Variants in CTNNA3 observed in about 807,000 individuals in gnomAD.
CTNNA3 encodes catenin alpha 3, also known as catenin alpha-3.
In CTNNA3, 76 loss-of-function variants were observed where a neutral mutation model predicts 95.7. The ratio of observed to expected loss-of-function variants is 0.79; its 90% CI spans 0.66 to 0.96. The LOEUF (loss-of-function observed/expected upper bound fraction) is 0.96, where lower values mean the gene tolerates loss of function less well. Ranked by LOEUF, CTNNA3 falls within the 40% of genes least tolerant of loss-of-function variation. The pLI, the probability that CTNNA3 is intolerant of heterozygous loss-of-function variation, is 0.00. For synonymous variants in CTNNA3, 431 were observed against 374.4 expected (o/e 1.15, Z -1.74); for missense variants, 1,191 against 1,089.8 (o/e 1.09, Z -1.31).
chr10:66,158,522 C>A (rs1304618866), intron 13 of CTNNA3, among the ~76,000 whole-genome samples: 1 of 152,020 alleles, frequency 6.6e-6, no homozygotes, highest in Non-Finnish European at 1.5e-5. Flanking sequence ...TATTTTTGTA[C>A]TAGTACCATG....
At chr10:67,089,715 A>ATGTG (rs775306401) in intron 7 of CTNNA3, among the ~76,000 whole-genome samples, 7 of 93,264 alleles carry the variant, frequency 7.5e-5, no homozygotes, top group Non-Finnish European at 1.4e-4. Context: ...GTGTATATAC[A>ATGTG]TATGTGTGTG....
chr10:66,007,288 G>A (rs1002457701), intron 15 of CTNNA3, among the ~76,000 whole-genome samples: 4 of 152,192 alleles, frequency 2.6e-5, no homozygotes, highest in Admixed American at 1.3e-4. Flanking sequence ...TAGTTCAGAC[G>A]TATACATTAT....
chr10:66,159,537 A>G (rs2084731221), intron 13 of CTNNA3, among the ~76,000 whole-genome samples: 2 of 150,552 alleles, frequency 1.3e-5, no homozygotes, highest in Non-Finnish European at 1.5e-5. Flanking sequence ...TCTTTTTGAT[A>G]TGTTGTTGGG....
intron 5 of CTNNA3, among the ~76,000 whole-genome samples, chr10:67,226,207 C>T (rs1205934184): frequency 6.6e-6 from 1 of 152,080 alleles, no homozygotes; most frequent in Non-Finnish European, 1.5e-5. Context: ...AACAAAGCCT[C>T]CAAGAAGTCT....
intron 11 of CTNNA3, among the ~76,000 whole-genome samples, chr10:66,385,997 G>A (rs1253190701): frequency 1.3e-5 from 2 of 152,094 alleles, no homozygotes; most frequent in Admixed American, 6.5e-5. Flanking sequence ...CATACTGAAT[G>A]GGCAAAAACT....
At chr10:67,082,617 G>A (rs950387276) in intron 7 of CTNNA3, among the ~76,000 whole-genome samples, 2 of 152,080 alleles carry the variant, frequency 1.3e-5, no homozygotes, top group African/African-American at 4.8e-5. Flanking sequence ...TAACTCAGCT[G>A]GCCCGCAGGA....
intron 1 of CTNNA3, among the ~76,000 whole-genome samples, chr10:67,730,548 G>C (rs1841268598): frequency 6.6e-6 from 1 of 152,140 alleles, no homozygotes. Flanking sequence ...ATCCAAGAAA[G>C]AATAGAAGAC....
chr10:67,700,246 C>T (rs897685485), upstream of CTNNA3, among the ~76,000 whole-genome samples: 1 of 152,250 alleles, frequency 6.6e-6, no homozygotes, highest in Admixed American at 6.5e-5. Context: ...TTAAGTGTAC[C>T]TGTCTGACAG....
chr10:67,256,847 C>T (rs981105711), intron 5 of CTNNA3, among the ~76,000 whole-genome samples: 2 of 151,802 alleles, frequency 1.3e-5, no homozygotes, highest in East Asian at 3.9e-4. Flanking sequence ...TTAAAAATAC[C>T]CAGTGGTACT....
intron 5 of CTNNA3, among the ~76,000 whole-genome samples, chr10:67,501,966 C>T (rs772677957): frequency 5.9e-5 from 9 of 152,168 alleles, no homozygotes; most frequent in Non-Finnish European, 1.3e-4. Flanking sequence ...CTACTTCTGT[C>T]AATTTGTCAA....
rs530641972 is a variant in CTNNA3 at position 66,623,626 on chromosome 10, C to T, written c.1282-1842G>A. Among the ~76,000 whole-genome samples, 3 of 152,168 alleles carry T rather than the reference C, an allele frequency of 2.0e-5. No individual in the cohort carries two copies. The South Asian group carries it at 6.2e-4, about 32-fold the overall frequency. ...CAAAGTTTTCTGCTCAGTCATCATA[C>T]TAACACTCTTTTTGTCTTCATGTAT... On this transcript the variant is annotated intron_variant, in intron 9 of 17. Transcript: ENST00000433211.
intron 5 of CTNNA3, among the ~76,000 whole-genome samples, chr10:67,304,235 T>G (rs572711323): frequency 6.6e-6 from 1 of 152,340 alleles, no homozygotes; most frequent in East Asian, 1.9e-4. Flanking sequence ...TATCCATCTA[T>G]TCAGAATTTG....
At chr10:66,240,940 TAAC>T (rs1026668238) in intron 13 of CTNNA3, among the ~76,000 whole-genome samples, 3 of 151,980 alleles carry the variant, frequency 2.0e-5, no homozygotes, top group Non-Finnish European at 4.4e-5. Flanking sequence ...AAGGAGAAAA[TAAC>T]AAGTTTTTAG....
At chr10:66,064,760 G>A (rs150964484) in intron 15 of CTNNA3, among the ~76,000 whole-genome samples, 286 of 152,260 alleles carry the variant, frequency 1.9e-3, no homozygotes, top group Non-Finnish European at 2.4e-3. Context: ...GGGCTAACAA[G>A]CAAGCAAAGA....
chr10:66,906,250 T>C (rs1185637785), intron 7 of CTNNA3, among the ~76,000 whole-genome samples: 1 of 152,132 alleles, frequency 6.6e-6, no homozygotes, highest in Non-Finnish European at 1.5e-5. Context: ...CCTGATAGAA[T>C]GCAGTAGAAG....
intron 5 of CTNNA3, among the ~76,000 whole-genome samples, chr10:67,473,337 C>T (rs1000787578): frequency 2.0e-5 from 3 of 152,174 alleles, no homozygotes; most frequent in African/African-American, 4.8e-5. Flanking sequence ...ACTTGCCATG[C>T]TTTTCATATA....
At chr10:66,543,917 A>G (rs1440533679) in intron 10 of CTNNA3, among the ~76,000 whole-genome samples, 3 of 12,390 alleles carry the variant, frequency 2.4e-4, no homozygotes, top group African/African-American at 7.1e-4. Context: ...GTGTGTATAT[A>G]TATATATATA....
intron 15 of CTNNA3, among the ~76,000 whole-genome samples, chr10:66,038,096 A>G (rs1220174117): frequency 6.6e-6 from 1 of 152,236 alleles, no homozygotes; most frequent in Non-Finnish European, 1.5e-5. Flanking sequence ...AATGTGCAAC[A>G]AATATAAAGA....
intron 7 of CTNNA3, among the ~76,000 whole-genome samples, chr10:66,930,705 C>G (rs1225251923): frequency 6.6e-6 from 1 of 152,044 alleles, no homozygotes; most frequent in East Asian, 1.9e-4. Context: ...TCCTAAAATT[C>G]AAAGCTACTT....
Sources: allele counts gnomAD v4.1 joint callset (sites outside exome capture counted in the v4.1 genomes callset), GRCh38; gene constraint gnomAD v4.1.1; transcripts MANE v1.5; gene names NCBI Gene and HGNC (gene_info 2026-07-23, HGNC 2026-07-21).